Variants in MYL3 observed in about 807,000 individuals in gnomAD.
MYL3 encodes the protein CMLC1.
Under a neutral mutation model 21.3 loss-of-function variants are expected in MYL3, and 11 were observed. The observed-to-expected ratio is 0.52, with a 90% CI of 0.32 to 0.85. The LOEUF is 0.85. Among genes scored for constraint, MYL3 ranks in the 40% least tolerant of loss-of-function variants. MYL3 has a pLI of 0.03. For synonymous variants in MYL3, 88 were observed against 91.6 expected (o/e 0.96, Z 0.22); for missense variants, 206 against 253.3 (o/e 0.81, Z 1.27).
chr3:46,860,226 T>C lies in MYL3; in HGVS notation c.307+450A>G, dbSNP rs1701976466. On this transcript the variant is annotated intron_variant, in intron 3 of 6. Transcript: ENST00000292327. This position sits in a 1 kb window ranked among gnomAD's most constrained non-coding sequence, Gnocchi z 4.6. ...TCACTGCAACCTCAAATTCCTGGGC[T>C]CACGGGATCCTCCTGGCTCAGCTTC... Among the ~76,000 whole-genome samples the C allele has an allele frequency of 6.6e-6, 1 of 152,188 alleles. No homozygotes were observed.
upstream of MYL3, among the ~76,000 whole-genome samples, chr3:46,868,088 A>C (rs547639975): frequency 9.2e-5 from 14 of 152,260 alleles, no homozygotes; most frequent in Admixed American, 6.5e-4. Flanking sequence ...CTCAGATGAA[A>C]GTCTGACTCC....
chr3:46,868,071 C>T (rs1193140862), upstream of MYL3, among the ~76,000 whole-genome samples: 1 of 152,190 alleles, frequency 6.6e-6, no homozygotes, highest in East Asian at 1.9e-4. Flanking sequence ...TCCCATGGCC[C>T]TGGAGCCTCA....
At position 46,860,899 on chromosome 3, in the gene MYL3, C is replaced by G. The variant is rs921464842; in HGVS notation, c.157+61G>C. On this transcript the variant is annotated intron_variant, in intron 2 of 6. Transcript: ENST00000292327. The surrounding 1 kb of genome is among the most constrained non-coding windows in gnomAD (Gnocchi z 4.6). ...CCCACTCCCCACACCCCTGGCAGGA[C>G]CCTCAGACCAGGGAACCCCAGCCCA... The G allele has an allele frequency of 3.7e-6, 6 of 1,613,976 alleles. No homozygotes were observed. Among genetic ancestry groups the G allele is most frequent in the Non-Finnish European group, 5.1e-6 (6 of 1,179,924 alleles).
In MYL3 at chr3:46,857,987, A is replaced by G; in HGVS notation, c.*128T>C. On this transcript the variant is annotated 3_prime_UTR_variant, in exon 7 of 7. Coordinates refer to ENST00000292327, the MANE Select transcript of MYL3 (RefSeq NM_000258.3). This position sits in a 1 kb window ranked among gnomAD's most constrained non-coding sequence, Gnocchi z 5.0. The stretch of plus-strand genomic sequence containing the variant: ...AGACGGCAACCACGTGGAGAGGTCC[A>G]AGGGTTTTTGCAGGAGTCTTGGTAA... 2 of 584,218 alleles carry G rather than the reference A, an allele frequency of 3.4e-6. No homozygotes were observed. The highest frequency in any genetic ancestry group is 1.9e-5 in the South Asian group (1 of 51,302). 36.2% of individuals were successfully genotyped at this position (584,218 alleles called of 1,614,324 possible). A position where few individuals can be genotyped will look rare whatever the true frequency, so the allele number is the denominator to read the frequency against.
chr3:46,877,103 C>T (rs2106931216), intron 1 of MYL3, among the ~76,000 whole-genome samples: 1 of 152,282 alleles, frequency 6.6e-6, no homozygotes, highest in South Asian at 2.1e-4. Flanking sequence ...CTGGCTGACT[C>T]CTCACCAGGA....
chr3:46,881,499 G>C (rs1390399663), intron 1 of MYL3, among the ~76,000 whole-genome samples: 1 of 152,170 alleles, frequency 6.6e-6, no homozygotes, highest in African/African-American at 2.4e-5. Context: ...TTGAGCCCCA[G>C]GTCTGGCAGC....
In MYL3 at chr3:46,858,001, G is replaced by A; in HGVS notation, c.*114C>T. Reference sequence around the variant, plus strand: ...TGGAGAGGTCCAAGGGTTTTTGCAGGAGTCTTGGTAAGGCTCCCCTCCTTC... The same window carrying A: ...TGGAGAGGTCCAAGGGTTTTTGCAGAAGTCTTGGTAAGGCTCCCCTCCTTC... On this transcript the variant is annotated 3_prime_UTR_variant, in exon 7 of 7. Transcript: ENST00000292327. 1.7e-6 allele frequency: 1 copy of A among 597,420 alleles called. No homozygotes were observed. The highest frequency in any genetic ancestry group is 1.9e-5 in the South Asian group (1 of 51,518). The allele number at this position is 597,420 out of a possible 1,614,324, so 37.0% of individuals were successfully genotyped here.
intron 1 of MYL3, among the ~76,000 whole-genome samples, chr3:46,875,528 A>T (rs2030164524): frequency 6.6e-6 from 1 of 152,150 alleles, no homozygotes; most frequent in Non-Finnish European, 1.5e-5. Flanking sequence ...CTGAGGAGAC[A>T]CCCTTCTGGG....
At chr3:46,870,150 C>T (rs542122634) in intron 1 of MYL3, among the ~76,000 whole-genome samples, 5 of 152,094 alleles carry the variant, frequency 3.3e-5, no homozygotes, top group Admixed American at 3.3e-4. Context: ...CCTGCAGACA[C>T]GTACGCATGC....
intron 1 of MYL3, among the ~76,000 whole-genome samples, chr3:46,870,642 G>C (rs757370675): frequency 3.3e-5 from 5 of 152,172 alleles, no homozygotes; most frequent in Non-Finnish European, 5.9e-5. Context: ...TCTGGTACCT[G>C]CCTGTGTGAG....
rs2030438290 is a variant in MYL3, at chr3:46,879,698, G to C, written c.-218+2376C>G. ...GGAGGTCAAGGCTGCTGTGAGCCATGACCGTGCCACTGCACTCCAGCCTGG... is the reference window on the plus strand; with the variant it reads ...GGAGGTCAAGGCTGCTGTGAGCCATCACCGTGCCACTGCACTCCAGCCTGG... On this transcript the variant is annotated intron_variant, in intron 1 of 3. Coordinates refer to the MYL3 transcript ENST00000431168. The surrounding 1 kb of genome is among the most constrained non-coding windows in gnomAD (Gnocchi z 4.7). Among the ~76,000 whole-genome samples the C allele has an allele frequency of 6.6e-6, 1 of 152,286 alleles. No individual in the cohort carries two copies. The highest frequency in any genetic ancestry group is 1.9e-4 in the East Asian group (1 of 5,180).
intron 1 of MYL3, among the ~76,000 whole-genome samples, chr3:46,871,075 C>T (rs1702104999): frequency 6.6e-6 from 1 of 152,216 alleles, no homozygotes; most frequent in African/African-American, 2.4e-5. Flanking sequence ...CATGCCTTTG[C>T]ATACACATCC....
intron 1 of MYL3, chr3:46,877,680 T>G (rs2030308044): frequency 1.3e-5 from 2 of 152,236 alleles, no homozygotes; most frequent in African/African-American, 4.8e-5. Context: ...AATTTTCTTT[T>G]CAAGTGGAAG....
In MYL3 at chr3:46,868,573, G is replaced by A. The variant is rs556389387; in HGVS notation, c.-217-1973C>T. On this transcript the variant is annotated intron_variant, in intron 1 of 3. Coordinates refer to the MYL3 transcript ENST00000431168. ...CCTCTGATCCCGGCCCAGGACTGAC[G>A]CTTAGGGCTGTGGTGTCCTGGCCGG... Among the ~76,000 whole-genome samples the A allele has an allele frequency of 3.9e-5, 6 of 152,300 alleles. No individual in the cohort carries two copies. In the South Asian group the frequency reaches 1.0e-3, roughly 26 times the overall value.
intron 1 of MYL3, among the ~76,000 whole-genome samples, chr3:46,881,727 G>C (rs1375556259): frequency 1.3e-5 from 2 of 151,964 alleles, no homozygotes; most frequent in East Asian, 3.9e-4. Context: ...GGGTGGGGCT[G>C]GACGTGGGGG....
chr3:46,869,121 T>TC (rs1394017253), intron 1 of MYL3, among the ~76,000 whole-genome samples: 30 of 150,982 alleles, frequency 2.0e-4, no homozygotes, highest in African/African-American at 5.9e-4. Flanking sequence ...GCCCGGCCCC[T>TC]CCCCCCACAG....
rs77106527 is a variant in MYL3, at chr3:46,863,259, C to T, written c.129+3G>A. Reference sequence around the variant, plus strand: ...ATTGCCACCACCCAGCTTCCATACCCACCTTGATCTTGGAAGCATCAAACT... The same window carrying T: ...ATTGCCACCACCCAGCTTCCATACCTACCTTGATCTTGGAAGCATCAAACT... On this transcript the variant is annotated splice_donor_region_variant and intron_variant, in intron 1 of 6. Transcript: ENST00000292327. 6.2e-7 allele frequency: 1 copy of T among 1,614,126 alleles called. No homozygotes were observed. The highest frequency in any genetic ancestry group is 1.3e-5 in the African/African-American group (1 of 75,064).
At chr3:46,869,823 G>A (rs1477146345) in intron 1 of MYL3, among the ~76,000 whole-genome samples, 1 of 152,066 alleles carries the variant, frequency 6.6e-6, no homozygotes, top group Non-Finnish European at 1.5e-5. Flanking sequence ...AGTAAATTTA[G>A]CAGGAGAAAA....
rs2233264 is a variant in MYL3 at position 46,863,322 on chromosome 3, G to A, written c.69C>T (p.Pro23=). The A allele has an allele frequency of 0.012, 18,574 of 1,613,958 alleles. 387 individuals carry two copies. Among genetic ancestry groups the A allele is most frequent in the East Asian group, 0.084 (3,763 of 44,872 alleles). The change falls in exon 1 of 7, where the codon CCC becomes CCT. Residue 23 remains proline (P), a synonymous_variant. Coordinates refer to ENST00000292327, the MANE Select transcript of MYL3 (RefSeq NM_000258.3). ...GGCGCTCAGGCTCAGGGGGAGGTGC[G>A]GGAGCTGGAGCTGCCTTGGGGGCTG... ...AKAAPKAAPA[P]APPPEPERPK...
Sources: allele counts gnomAD v4.1 joint callset (sites outside exome capture counted in the v4.1 genomes callset), GRCh38; gene constraint gnomAD v4.1.1; non-coding constraint Gnocchi (gnomAD v3.1); transcripts MANE v1.5; gene names NCBI Gene and HGNC (gene_info 2026-07-23, HGNC 2026-07-21).